The following YTHDF2 variants were observed in gnomAD, a reference collection of about 807,000 sequenced individuals.
YTHDF2 encodes the protein YTH domain-containing family protein 2.
In YTHDF2, 2 loss-of-function variants were observed where a neutral mutation model predicts 50.4. That is an observed-to-expected ratio of 0.04 (90% CI 0.02 to 0.12). The LOEUF is 0.12. YTHDF2 is among the 10% of genes least tolerant of loss of function. The pLI is 1.00. For synonymous variants in YTHDF2, 217 were observed against 255.6 expected (o/e 0.85, Z 1.44); for missense variants, 483 against 722.6 (o/e 0.67, Z 3.80).
At chr1:28,763,757 T>A (rs951414271) in intron 4 of YTHDF2, among the ~76,000 whole-genome samples, 9 of 24,410 alleles carry the variant, frequency 3.7e-4, no homozygotes, top group Non-Finnish European at 7.5e-4. Context: ...GCCCAGCCAA[T>A]TTTTTTTTTT....
intron 3 of YTHDF2, chr1:28,738,946 CAT>C (rs1368797558): frequency 1.3e-5 from 2 of 152,256 alleles, no homozygotes; most frequent in Non-Finnish European, 2.9e-5. Context: ...CTGGCAGTAA[CAT>C]GTGCATGAAT....
intron 4 of YTHDF2, among the ~76,000 whole-genome samples, chr1:28,761,735 A>G (rs2088136556): frequency 6.6e-6 from 1 of 151,494 alleles, no homozygotes; most frequent in African/African-American, 2.4e-5. Flanking sequence ...TCTGTCTCAA[A>G]TTCTAGTAGA....
intron 4 of YTHDF2, among the ~76,000 whole-genome samples, chr1:28,752,888 TAA>T (rs933844507): frequency 6.6e-6 from 1 of 150,868 alleles, no homozygotes; most frequent in African/African-American, 2.4e-5. Flanking sequence ...ACAAAAAATT[TAA>T]AAAAAATTAA....
intron 4 of YTHDF2, among the ~76,000 whole-genome samples, chr1:28,745,882 AG>A (rs66937305): frequency 0.39 from 58,446 of 150,106 alleles, 12,251 homozygotes; most frequent in East Asian, 0.77. Context: ...TCTCTAAAAA[AG>A]AAAAAATTAG....
intron 4 of YTHDF2, among the ~76,000 whole-genome samples, chr1:28,765,443 ACAGGGCCTCTGTCACC>A (rs1468122800): frequency 6.6e-6 from 1 of 152,040 alleles, no homozygotes; most frequent in East Asian, 1.9e-4. Flanking sequence ...GTTTTGAGAG[ACAGGGCCTCTGTCACC>A]CAGGCTGCCA....
chr1:28,743,482 C>A lies in YTHDF2; in HGVS notation c.1212C>A (p.Asp404Glu). 1 of 1,614,194 alleles carries A rather than the reference C, an allele frequency of 6.2e-7. No individual in the cohort carries two copies. Among genetic ancestry groups the A allele is most frequent in the Non-Finnish European group, 8.5e-7 (1 of 1,180,046 alleles). The change falls in exon 4 of 5, where the codon GAC (aspartate) becomes GAA (glutamate). Residue 404 changes from aspartate to glutamate, a missense_variant. Physicochemically the swap from Asp to Glu is conservative, Grantham distance 45. Coordinates refer to ENST00000373812, the MANE Select transcript of YTHDF2 (RefSeq NM_016258.3). This position sits in a 1 kb window ranked among gnomAD's most constrained non-coding sequence, Gnocchi z 6.9. ...ATAACTATAACCCCAAAGATTTTGACTGGAATCTGAAACATGGCCGGGTTT... is the reference window on the plus strand; with the variant it reads ...ATAACTATAACCCCAAAGATTTTGAATGGAATCTGAAACATGGCCGGGTTT... The part of the protein sequence containing the change: ...SINNYNPKDF[D>E]WNLKHGRVFI...
intron 4 of YTHDF2, among the ~76,000 whole-genome samples, chr1:28,760,485 G>A (rs1382615127): frequency 3.9e-5 from 6 of 151,952 alleles, no homozygotes; most frequent in East Asian, 1.9e-4. Flanking sequence ...TAGTAGAGAC[G>A]GGGTTTCACC....
chr1:28,738,363 C>G (rs369502597), intron 3 of YTHDF2, 25 bp downstream of exon 3: 70 of 1,558,072 alleles, frequency 4.5e-5, no homozygotes, highest in Non-Finnish European at 5.8e-5. Flanking sequence ...ATTTACATAT[C>G]TAATCGAAGG....
intron 2 of YTHDF2, 41 bp from the exon 3 acceptor site, chr1:28,738,218 G>A (rs759555737): frequency 6.8e-7 from 1 of 1,477,888 alleles, no homozygotes. Context: ...AAGGAAGATT[G>A]TAGGATTGGG....
chr1:28,737,097 G>A lies in YTHDF2; in HGVS notation c.-24G>A. 6 of 1,591,578 alleles carry A rather than the reference G, an allele frequency of 3.8e-6. No individual in the cohort carries two copies. The highest frequency in any genetic ancestry group is 4.3e-6 in the Non-Finnish European group (5 of 1,171,072). On this transcript the variant is annotated 5_prime_UTR_variant, in exon 1 of 5. Transcript: ENST00000373812. ...GCGCTGAGGAGAGTTCGCCGCCGTC[G>A]CCGCCCGTGAGGATCTGAGAGCCAT... is the stretch of plus-strand genomic sequence containing the variant.
At chr1:28,754,775 G>A (rs939438341) in intron 4 of YTHDF2, among the ~76,000 whole-genome samples, 1 of 152,068 alleles carries the variant, frequency 6.6e-6, no homozygotes, top group Non-Finnish European at 1.5e-5. Context: ...CTGCACTCCA[G>A]CCTGGGCAAT....
At chr1:28,753,475 G>T (rs367586709) in intron 4 of YTHDF2, among the ~76,000 whole-genome samples, 1 of 150,440 alleles carries the variant, frequency 6.6e-6, no homozygotes, top group African/African-American at 2.4e-5. Flanking sequence ...TTGAGCCCGG[G>T]ACGTCAAGTC....
At chr1:28,767,690 A>G (rs2088238273) in intron 4 of YTHDF2, among the ~76,000 whole-genome samples, 3 of 151,176 alleles carry the variant, frequency 2.0e-5, no homozygotes, top group African/African-American at 7.3e-5. Flanking sequence ...TTGTATTTTT[A>G]GTAGAGATGG....
chr1:28,749,291 A>T (rs765908831), intron 4 of YTHDF2, among the ~76,000 whole-genome samples: 49 of 147,638 alleles, frequency 3.3e-4, no homozygotes, highest in Middle Eastern at 7.0e-3. Flanking sequence ...TCCCGGGTTC[A>T]CGCCATTCTC....
intron 4 of YTHDF2, among the ~76,000 whole-genome samples, chr1:28,752,461 A>G (rs1482303133): frequency 6.6e-6 from 1 of 151,928 alleles, no homozygotes; most frequent in Non-Finnish European, 1.5e-5. Flanking sequence ...ACTCCCGGCT[A>G]ATTTTTGTAT....
chr1:28,748,316 G>T (rs967608826), intron 4 of YTHDF2, among the ~76,000 whole-genome samples: 13 of 152,210 alleles, frequency 8.5e-5, no homozygotes, highest in Non-Finnish European at 1.0e-4. Flanking sequence ...GAACAAGCAG[G>T]TTTTATGAGA....
chr1:28,737,220 C>T (rs1033169072), intron 1 of YTHDF2, 73 bp downstream of exon 1: 53 of 1,498,110 alleles, frequency 3.5e-5, no homozygotes, highest in Non-Finnish European at 4.1e-5. Context: ...GGGCCCGCCG[C>T]TCCTGGGCAG....
At chr1:28,748,141 CA>C (rs915765235) in intron 4 of YTHDF2, among the ~76,000 whole-genome samples, 8 of 150,146 alleles carry the variant, frequency 5.3e-5, no homozygotes, top group African/African-American at 1.9e-4. Flanking sequence ...AAAAAAAAAC[CA>C]AAAAAAAGAA....
At chr1:28,765,195 G>T (rs1391468800) in intron 4 of YTHDF2, among the ~76,000 whole-genome samples, 1 of 151,990 alleles carries the variant, frequency 6.6e-6, no homozygotes, top group Non-Finnish European at 1.5e-5. Flanking sequence ...TAGAGACGGG[G>T]TTTTGCCACC....
Sources: allele counts gnomAD v4.1 joint callset (sites outside exome capture counted in the v4.1 genomes callset), GRCh38; gene constraint gnomAD v4.1.1; non-coding constraint Gnocchi (gnomAD v3.1); transcripts MANE v1.5; gene names NCBI Gene and HGNC (gene_info 2026-07-23, HGNC 2026-07-21).